Variants in KIF15 observed in about 807,000 individuals in gnomAD.
KIF15 encodes the protein kinesin family member 15.
Under a neutral mutation model 190.6 loss-of-function variants are expected in KIF15, and 140 were observed. The ratio of observed to expected loss-of-function variants is 0.73; its 90% confidence interval spans 0.64 to 0.84. The LOEUF is 0.84. KIF15 is among the 40% of genes least tolerant of loss of function. The probability of loss-of-function intolerance (pLI) is 0.00; values close to 1 mark genes in which losing one functional copy is unlikely to be tolerated. For synonymous variants in KIF15, 528 were observed against 551.3 expected, an observed-to-expected ratio of 0.96 and a Z score of 0.59; for missense variants, 1,372 against 1,584.4, an observed-to-expected ratio of 0.87 and a Z score of 2.28.
rs1164871307 is a variant in KIF15, at chr3:44,841,116, C to T, written c.3463C>T (p.Leu1155Phe). The T allele has an allele frequency of 2.5e-6, 4 of 1,613,604 alleles. No individual in the cohort carries two copies. Among genetic ancestry groups the T allele is most frequent in the Non-Finnish European group, 3.4e-6 (4 of 1,179,772 alleles). Residue 1155 changes from leucine (L) to phenylalanine (F), a missense_variant, in exon 29 of 35, where the codon CTC becomes TTC. Transcript: ENST00000326047. ...PPHFQTHLAK[L>F]LETQEQEIED... ...TCACTTTCAAACACATTTGGCAAAACTCCTGGAAACACAAGAACAAGAGAT... is the reference window on the plus strand; with the variant it reads ...TCACTTTCAAACACATTTGGCAAAATTCCTGGAAACACAAGAACAAGAGAT...
At chr3:44,820,308 C>T (rs1286583199) in intron 20 of KIF15, among the ~76,000 whole-genome samples, 5 of 143,976 alleles carry the variant, frequency 3.5e-5, no homozygotes, top group African/African-American at 1.0e-4. Context: ...TTATTTTGCT[C>T]GTTAGTTGAT....
chr3:44,851,733 G>C lies in KIF15; in HGVS notation c.3807-54G>C, dbSNP rs1575694516. 4.1e-6 allele frequency: 6 copies of C among 1,472,052 alleles called. No individual in the cohort carries two copies. In the East Asian group the frequency reaches 1.4e-4, roughly 34 times the overall value. The allele number at this position is 1,472,052 out of a possible 1,614,324, so 91.2% of individuals were successfully genotyped here. On this transcript the variant is annotated intron_variant, in intron 32 of 34. Coordinates refer to ENST00000326047, the MANE Select transcript of KIF15 (RefSeq NM_020242.3). Reference sequence around the variant, plus strand: ...AGTACACATGTCTAACTTGAGCACTGTTTTATGATTATGTTTCTTTCAAAT... The same window carrying C: ...AGTACACATGTCTAACTTGAGCACTCTTTTATGATTATGTTTCTTTCAAAT...
At chr3:44,831,668 GTT>G (rs1285640778) in intron 26 of KIF15, among the ~76,000 whole-genome samples, 1 of 152,142 alleles carries the variant, frequency 6.6e-6, no homozygotes, top group Non-Finnish European at 1.5e-5. Context: ...GCTAAAGGAA[GTT>G]TTTTTGTTGT....
intron 6 of KIF15, chr3:44,863,203 C>A (rs1353474813): frequency 6.6e-6 from 1 of 150,672 alleles, no homozygotes; most frequent in African/African-American, 2.4e-5. Flanking sequence ...AAATTGAACA[C>A]CCTGGTGTAA....
At chr3:44,763,613 C>G (rs1487151310) in intron 1 of KIF15, among the ~76,000 whole-genome samples, 1 of 151,978 alleles carries the variant, frequency 6.6e-6, no homozygotes, top group African/African-American at 2.4e-5. Context: ...TGAAGGCTAT[C>G]TCTAGTGACA....
At chr3:44,794,767 C>T (rs1706890719) in intron 8 of KIF15, among the ~76,000 whole-genome samples, 1 of 152,082 alleles carries the variant, frequency 6.6e-6, no homozygotes, top group African/African-American at 2.4e-5. Flanking sequence ...CGAGACCATC[C>T]TGGCCAACGT....
At position 44,789,607 on chromosome 3, in the gene KIF15, T is replaced by C. The variant is rs180773824; in HGVS notation, c.639+3033T>C. ...ATGCACTGATTTCCCACTAAGGTGT[T>C]GGTTTTTCAGTTTCATTGCGATTTT... On this transcript the variant is annotated intron_variant, in intron 7 of 34. Coordinates refer to ENST00000326047, the MANE Select transcript of KIF15 (RefSeq NM_020242.3). 2.7e-3 allele frequency among the ~76,000 whole-genome samples: 393 copies of C among 146,668 alleles called. 3 individuals are homozygous for C. Among genetic ancestry groups the C allele is most frequent in the African/African-American group, 9.2e-3 (366 of 39,916 alleles).
At chr3:44,841,411 T>G (rs1221293162) in intron 29 of KIF15, among the ~76,000 whole-genome samples, 173 bp downstream of exon 29, 2 of 151,804 alleles carry the variant, frequency 1.3e-5, no homozygotes, top group Non-Finnish European at 2.9e-5. Flanking sequence ...TTTTGTTTTT[T>G]TTTTGAGACG....
chr3:44,825,997 TA>T, intron 20 of KIF15, 41 bp from the exon 21 acceptor site: 3 of 1,499,782 alleles, frequency 2.0e-6, no homozygotes, highest in Admixed American at 2.2e-5. Context: ...AGAAATACAT[TA>T]AATGTTTATT....
chr3:44,814,278 T>C (rs1347933767), intron 19 of KIF15, among the ~76,000 whole-genome samples: 1 of 151,826 alleles, frequency 6.6e-6, no homozygotes, highest in East Asian at 1.9e-4. Context: ...ATGTTACATC[T>C]TTTAATTTTT....
intron 6 of KIF15, among the ~76,000 whole-genome samples, chr3:44,868,573 A>C (rs1283968101): frequency 6.6e-6 from 1 of 152,224 alleles, no homozygotes; most frequent in African/African-American, 2.4e-5. Flanking sequence ...AGCAAGAAGG[A>C]GAGAAGGCAA....
At chr3:44,796,175 T>G (rs1559541032) in intron 8 of KIF15, among the ~76,000 whole-genome samples, 1 of 152,188 alleles carries the variant, frequency 6.6e-6, no homozygotes, top group Non-Finnish European at 1.5e-5. Context: ...AAGCTCATAT[T>G]TCTATTGAGA....
chr3:44,772,319 G>GAATTA (rs1705677831), intron 1 of KIF15, among the ~76,000 whole-genome samples: 1 of 152,058 alleles, frequency 6.6e-6, no homozygotes, highest in Non-Finnish European at 1.5e-5. Flanking sequence ...CTAATTCCTG[G>GAATTA]GGCTCCATTA....
chr3:44,862,873 A>C (rs1313713773), intron 6 of KIF15: 15 of 152,172 alleles, frequency 9.9e-5, no homozygotes, highest in African/African-American at 3.1e-4. Context: ...AGTAGCTGCC[A>C]TGCTTCAGGT....
At chr3:44,839,921 C>T (rs1397763772) in intron 27 of KIF15, among the ~76,000 whole-genome samples, 1 of 152,190 alleles carries the variant, frequency 6.6e-6, no homozygotes, top group East Asian at 1.9e-4. Context: ...TTTACCCATT[C>T]TCCCATCAAT....
intron 26 of KIF15, among the ~76,000 whole-genome samples, chr3:44,836,418 T>C (rs577329486): frequency 4.7e-4 from 72 of 152,164 alleles, no homozygotes; most frequent in Admixed American, 1.2e-3. Flanking sequence ...CATAAAAATA[T>C]CTTGAGTTTA....
rs543150815 is a variant in KIF15 at position 44,776,735 on chromosome 3, C to T, written c.246+1298C>T. ...AGTTAGTGCTATCCAATGGAACTTTCTGCAGTGATGGAAATGTTCTGTATC... is the reference window on the plus strand; with the variant it reads ...AGTTAGTGCTATCCAATGGAACTTTTTGCAGTGATGGAAATGTTCTGTATC... On this transcript the variant is annotated intron_variant, in intron 3 of 34. Coordinates refer to ENST00000326047, the MANE Select transcript of KIF15 (RefSeq NM_020242.3). 9.9e-5 allele frequency among the ~76,000 whole-genome samples: 15 copies of T among 152,268 alleles called. No homozygotes were observed. In the South Asian group the frequency reaches 2.9e-3, roughly 29 times the overall value.
intron 7 of KIF15, among the ~76,000 whole-genome samples, chr3:44,791,239 C>T (rs1706683075): frequency 1.3e-5 from 2 of 152,214 alleles, no homozygotes; most frequent in Non-Finnish European, 1.5e-5. Context: ...TTTCCTATTA[C>T]ATTGCCTTTG....
At position 44,829,618 on chromosome 3, in the gene KIF15, T is replaced by C. The variant is rs1032443694; in HGVS notation, c.2944-353T>C. On this transcript the variant is annotated intron_variant, in intron 24 of 34. Transcript: ENST00000326047. ...ATTATATATGCATATATATTATATA[T>C]GTATATACATTATATATGTATATAT... Among the ~76,000 whole-genome samples the C allele has an allele frequency of 7.6e-5, 10 of 132,440 alleles. No homozygotes were observed. The Admixed American group carries it at 7.7e-4, about 10-fold the overall frequency. The allele number at this position is 132,440 out of a possible 152,430, so 86.9% of individuals were successfully genotyped here.
Sources: allele counts gnomAD v4.1 joint callset (sites outside exome capture counted in the v4.1 genomes callset), GRCh38; gene constraint gnomAD v4.1.1; transcripts MANE v1.5; gene names NCBI Gene and HGNC (gene_info 2026-07-23, HGNC 2026-07-21).